SEMA6D: variants seen among roughly 807,000 people sequenced by gnomAD.
SEMA6D encodes the protein semaphorin-6D.
Under a neutral mutation model 106.6 loss-of-function variants are expected in SEMA6D, and 35 were observed. The observed-to-expected ratio is 0.33, with a 90% confidence interval of 0.25 to 0.44. The LOEUF (loss-of-function observed/expected upper bound fraction) is 0.44. Among genes scored for constraint, SEMA6D ranks in the 20% least tolerant of loss-of-function variants. The pLI, the probability that SEMA6D is intolerant of heterozygous loss-of-function variation, is 1.00. For missense variants in SEMA6D, 1,185 were observed against 1,345.9 expected, an observed-to-expected ratio of 0.88 and a Z score of 1.87; for synonymous variants, 499 against 487.7, an observed-to-expected ratio of 1.02 and a Z score of -0.31.
At chr15:47,227,466 T>TTTTCTTTCTC (rs2031791039) in intron 1 of SEMA6D, among the ~76,000 whole-genome samples, 1 of 55,284 alleles carries the variant, frequency 1.8e-5, no homozygotes, top group East Asian at 4.1e-4. Context: ...TTTTCTTTCT[T>TTTTCTTTCTC]TTTCTTTCTC....
At chr15:47,313,261 G>T (rs745699771) in intron 1 of SEMA6D, among the ~76,000 whole-genome samples, 2 of 152,062 alleles carry the variant, frequency 1.3e-5, no homozygotes, top group Non-Finnish European at 2.9e-5. Context: ...AATCTTCTGT[G>T]CTTTGCCTTT....
In SEMA6D at chr15:47,204,085, G is replaced by A. The variant is rs1001644878; in HGVS notation, c.-239+19667G>A. 3.9e-5 allele frequency among the ~76,000 whole-genome samples: 6 copies of A among 152,232 alleles called. No individual in the cohort carries two copies. In the East Asian group the frequency reaches 5.8e-4, roughly 15 times the overall value. The stretch of plus-strand genomic sequence containing the variant: ...GAGCAACTGTAGAGAAGGAAGAGTC[G>A]AATTATTACAACAATTCAGTTTCTA... On this transcript the variant is annotated intron_variant, in intron 1 of 19. Coordinates refer to the SEMA6D transcript ENST00000558014.
At chr15:47,340,347 T>TAA (rs78181284) in intron 1 of SEMA6D, among the ~76,000 whole-genome samples, 1 of 143,248 alleles carries the variant, frequency 7.0e-6, no homozygotes, top group African/African-American at 2.6e-5. Context: ...AGTGCTAACT[T>TAA]AAAAAAAAAA....
At position 47,735,490 on chromosome 15, in the gene SEMA6D, C is replaced by T. The variant is rs138243565; in HGVS notation, c.-55+17798C>T. 1.6e-4 allele frequency among the ~76,000 whole-genome samples: 25 copies of T among 152,302 alleles called. 1 individual carries two copies. The East Asian group carries it at 4.8e-3, about 29-fold the overall frequency. Reference sequence around the variant, plus strand: ...AGTTATAGCTGTTTAATGGCAGACACAGACTTCAGATACACTTGTTTTTCA... The same window carrying T: ...AGTTATAGCTGTTTAATGGCAGACATAGACTTCAGATACACTTGTTTTTCA... On this transcript the variant is annotated intron_variant, in intron 1 of 18. Coordinates refer to ENST00000536845, the MANE Select transcript of SEMA6D (RefSeq NM_001358351.3).
intron 4 of SEMA6D, among the ~76,000 whole-genome samples, chr15:47,601,749 G>A (rs1330683064): frequency 6.6e-6 from 1 of 152,142 alleles, no homozygotes; most frequent in African/African-American, 2.4e-5. Context: ...GTGTTAATTG[G>A]AAAATAGAGA....
chr15:47,205,332 T>C (rs954172218), intron 1 of SEMA6D, among the ~76,000 whole-genome samples: 1 of 152,186 alleles, frequency 6.6e-6, no homozygotes, highest in African/African-American at 2.4e-5. Flanking sequence ...ATTTCTTTCT[T>C]TGAGAAAGTG....
In SEMA6D at chr15:47,548,875, T is replaced by C. The variant is rs376608652; in HGVS notation, c.-86-51990T>C. On this transcript the variant is annotated intron_variant, in intron 3 of 19. Transcript: ENST00000558014. ...AAGTTATGATACCATATAATTCTAA[T>C]GGACTTTCCTGGAAGATCTTCCTAT... is the stretch of plus-strand genomic sequence containing the variant. Among the ~76,000 whole-genome samples the C allele has an allele frequency of 4.6e-5, 7 of 152,276 alleles. No individual in the cohort carries two copies. The East Asian group carries it at 9.6e-4, about 21-fold the overall frequency.
intron 1 of SEMA6D, among the ~76,000 whole-genome samples, chr15:47,290,743 C>T (rs974527849): frequency 9.2e-5 from 14 of 152,150 alleles, no homozygotes; most frequent in Middle Eastern, 3.4e-3. Context: ...TAAAAATGAC[C>T]GCAGTCTCGT....
intron 2 of SEMA6D, among the ~76,000 whole-genome samples, chr15:47,426,037 A>G (rs937416522): frequency 2.0e-5 from 3 of 152,128 alleles, no homozygotes; most frequent in Non-Finnish European, 4.4e-5. Context: ...TATGCTCTAT[A>G]TACTAATAAA....
intron 1 of SEMA6D, among the ~76,000 whole-genome samples, chr15:47,733,060 T>C (rs1184734460): frequency 6.6e-6 from 1 of 152,246 alleles, no homozygotes; most frequent in Non-Finnish European, 1.5e-5. Flanking sequence ...GATTATAAAT[T>C]CACATTTTCT....
chr15:47,187,071 G>A (rs1893628741), intron 1 of SEMA6D, among the ~76,000 whole-genome samples: 2 of 152,054 alleles, frequency 1.3e-5, no homozygotes, highest in South Asian at 2.1e-4. Flanking sequence ...CGTTTATTGA[G>A]TTTACTCTTC....
At chr15:47,281,434 G>A (rs1476872529) in intron 1 of SEMA6D, among the ~76,000 whole-genome samples, 1 of 149,026 alleles carries the variant, frequency 6.7e-6, no homozygotes, top group African/African-American at 2.5e-5. Flanking sequence ...CTGTACGTGA[G>A]ATGGGTTTCC....
chr15:47,269,312 C>T (rs1026804205), intron 1 of SEMA6D, among the ~76,000 whole-genome samples: 1 of 151,470 alleles, frequency 6.6e-6, no homozygotes, highest in Non-Finnish European at 1.5e-5. Flanking sequence ...CAGATGAGCT[C>T]TATCCAAGCA....
At chr15:47,395,980 T>A (rs1426475425) in intron 1 of SEMA6D, among the ~76,000 whole-genome samples, 1 of 152,110 alleles carries the variant, frequency 6.6e-6, no homozygotes, top group Admixed American at 6.6e-5. Context: ...AAGAATCAGA[T>A]GATGTCTTGA....
intron 1 of SEMA6D, among the ~76,000 whole-genome samples, chr15:47,750,539 GTC>G (rs1358453982): frequency 6.6e-6 from 1 of 152,126 alleles, no homozygotes; most frequent in Non-Finnish European, 1.5e-5. Context: ...CATGGTGTGA[GTC>G]TCCACTGCTC....
intron 1 of SEMA6D, among the ~76,000 whole-genome samples, chr15:47,267,652 A>T (rs1328016091): frequency 1.3e-5 from 2 of 152,144 alleles, no homozygotes; most frequent in Non-Finnish European, 2.9e-5. Flanking sequence ...AATTTTAGAT[A>T]TCTGACTGTA....
chr15:47,254,311 GTATATATA>G (rs1230202220), intron 1 of SEMA6D, among the ~76,000 whole-genome samples: 1 of 103,580 alleles, frequency 9.7e-6, no homozygotes, highest in South Asian at 3.5e-4. Flanking sequence ...GTATATATAT[GTATATATA>G]TGTGTGTGTG....
At chr15:47,348,909 G>A (rs2038197825) in intron 1 of SEMA6D, among the ~76,000 whole-genome samples, 1 of 152,028 alleles carries the variant, frequency 6.6e-6, no homozygotes, top group African/African-American at 2.4e-5. Context: ...TTGTGGTAGA[G>A]GAAACAACAT....
intron 2 of SEMA6D, among the ~76,000 whole-genome samples, chr15:47,457,422 A>G (rs1422716902): frequency 2.0e-5 from 3 of 152,000 alleles, no homozygotes; most frequent in Non-Finnish European, 4.4e-5. Flanking sequence ...ACACAAGGAT[A>G]TTAAGCAGTA....
Sources: allele counts gnomAD v4.1 joint callset (sites outside exome capture counted in the v4.1 genomes callset), GRCh38; gene constraint gnomAD v4.1.1; transcripts MANE v1.5; gene names NCBI Gene and HGNC (gene_info 2026-07-23, HGNC 2026-07-21).